COL18A1: variants seen among roughly 807,000 people sequenced by gnomAD.
The protein encoded by COL18A1 is collagen alpha-1(XVIII) chain.
Under a neutral mutation model 168.0 loss-of-function variants are expected in COL18A1, and 133 were observed. That is an observed-to-expected ratio of 0.79 (90% CI 0.69 to 0.91). The LOEUF (loss-of-function observed/expected upper bound fraction) is 0.91, where lower values mean the gene tolerates loss of function less well. Ranked by LOEUF, COL18A1 falls within the 40% of genes least tolerant of loss-of-function variation. The pLI, the probability that COL18A1 is intolerant of heterozygous loss-of-function variation, is 0.00. For missense variants in COL18A1, 2,126 were observed against 1,925.4 expected, an observed-to-expected ratio of 1.10 and a Z score of -1.95; for synonymous variants, 949 against 809.0, an observed-to-expected ratio of 1.17 and a Z score of -2.94.
chr21:45,478,117 G>T, intron 8 of COL18A1, 152 bp downstream of exon 8: 1 of 760,946 alleles, frequency 1.3e-6, no homozygotes, highest in Non-Finnish European at 2.2e-6. Flanking sequence ...CGGGGTTGGT[G>T]CTGGAAGGTG....
chr21:45,418,395 G>A (rs1298814355), intron 2 of COL18A1, among the ~76,000 whole-genome samples: 2 of 152,250 alleles, frequency 1.3e-5, no homozygotes, highest in South Asian at 2.1e-4. Context: ...TTCTTCCCAC[G>A]TCAAGGCAGC....
intron 2 of COL18A1, among the ~76,000 whole-genome samples, chr21:45,459,943 C>A (rs1568885322): frequency 6.6e-6 from 1 of 152,142 alleles, no homozygotes; most frequent in Admixed American, 6.5e-5. Flanking sequence ...CTCTCTACAC[C>A]CCTCCTGAGC....
At chr21:45,485,221 G>T (rs867921195) in intron 15 of COL18A1, among the ~76,000 whole-genome samples, 3 of 133,998 alleles carry the variant, frequency 2.2e-5, no homozygotes, top group East Asian at 2.2e-4. Context: ...GGCTGGTCTC[G>T]AACTCCTGCC....
intron 2 of COL18A1, among the ~76,000 whole-genome samples, chr21:45,459,459 G>T (rs2034967919): frequency 1.3e-5 from 2 of 152,234 alleles, no homozygotes; most frequent in Admixed American, 1.3e-4. Context: ...GAGGGGAGCT[G>T]GAGGGGTCCT....
intron 24 of COL18A1, 76 bp downstream of exon 24, chr21:45,492,789 G>A (rs1434339956): frequency 2.6e-6 from 3 of 1,150,264 alleles, no homozygotes; most frequent in Non-Finnish European, 3.9e-6. Flanking sequence ...GAGCAGCCCG[G>A]TCGAGCTGGG....
At chr21:45,492,906 C>A (rs1474639284) in intron 24 of COL18A1, among the ~76,000 whole-genome samples, 193 bp downstream of exon 24, 2 of 152,188 alleles carry the variant, frequency 1.3e-5, no homozygotes, top group Non-Finnish European at 2.9e-5. Context: ...TGGGTGGGCA[C>A]CCGTGAGGGT....
At chr21:45,485,037 C>T (rs1184269123) in intron 15 of COL18A1, among the ~76,000 whole-genome samples, 4 of 151,842 alleles carry the variant, frequency 2.6e-5, no homozygotes, top group Non-Finnish European at 5.9e-5. Context: ...AGAGTCTCCG[C>T]AGTGGTGCAG....
intron 2 of COL18A1, among the ~76,000 whole-genome samples, chr21:45,444,086 G>A (rs1219531887): frequency 6.6e-6 from 1 of 152,140 alleles, no homozygotes; most frequent in Non-Finnish European, 1.5e-5. Flanking sequence ...TCTTCTGTTC[G>A]GCCCCTTCCC....
intron 2 of COL18A1, among the ~76,000 whole-genome samples, chr21:45,416,834 C>T (rs551174956): frequency 1.3e-5 from 2 of 152,170 alleles, no homozygotes; most frequent in Non-Finnish European, 2.9e-5. Context: ...ACAACTCTTC[C>T]CTTCCCTCGT....
Position 45,503,687 on chromosome 21 carries a change from G to A in COL18A1, c.2684-324G>A, listed in dbSNP as rs574626928. 4.2e-4 allele frequency among the ~76,000 whole-genome samples: 64 copies of A among 151,318 alleles called. 1 individual carries two copies. The highest frequency in any genetic ancestry group is 8.4e-4 in the South Asian group (4 of 4,776). On this transcript the variant is annotated intron_variant, in intron 32 of 41. Transcript: ENST00000651438. Reference sequence around the variant, plus strand: ...GCATTGGGAGATATACCTAATGCTAGATGACGAGTTAGTGGGTGCAGCACA... The same window carrying A: ...GCATTGGGAGATATACCTAATGCTAAATGACGAGTTAGTGGGTGCAGCACA...
chr21:45,472,427 G>C (rs2035470789), intron 3 of COL18A1, among the ~76,000 whole-genome samples: 1 of 152,174 alleles, frequency 6.6e-6, no homozygotes, highest in Non-Finnish European at 1.5e-5. Context: ...GTTTCCCCAT[G>C]GTCTCAATCT....
At chr21:45,439,083 G>T (rs541915664) in intron 2 of COL18A1, among the ~76,000 whole-genome samples, 2 of 152,226 alleles carry the variant, frequency 1.3e-5, no homozygotes, top group African/African-American at 4.8e-5. Context: ...ACCCCACCAG[G>T]CATCCCACAA....
chr21:45,509,940 C>G, intron 39 of COL18A1, 124 bp from the exon 40 acceptor site: 1 of 1,142,028 alleles, frequency 8.8e-7, no homozygotes, highest in Non-Finnish European at 1.2e-6. Flanking sequence ...CACTTGCGCG[C>G]CTCCCGCTCA....
chr21:45,478,948 C>T (rs1172405187), intron 9 of COL18A1, among the ~76,000 whole-genome samples: 1 of 152,176 alleles, frequency 6.6e-6, no homozygotes, highest in Non-Finnish European at 1.5e-5. Flanking sequence ...TCATGGTGCC[C>T]ACCGAACGGT....
At chr21:45,452,949 T>C (rs1439689201) in intron 2 of COL18A1, among the ~76,000 whole-genome samples, 1 of 151,928 alleles carries the variant, frequency 6.6e-6, no homozygotes, top group Non-Finnish European at 1.5e-5. Context: ...TGAGCATGTA[T>C]GTACATGTGT....
At chr21:45,506,164 C>T (rs1250248546) in intron 37 of COL18A1, 198 bp downstream of exon 37, 9 of 744,914 alleles carry the variant, frequency 1.2e-5, no homozygotes, top group Non-Finnish European at 2.0e-5. Context: ...AAAGTGAGCT[C>T]AAGCTTCTGA....
At chr21:45,442,250 G>T (rs542884833) in intron 2 of COL18A1, among the ~76,000 whole-genome samples, 2 of 152,262 alleles carry the variant, frequency 1.3e-5, no homozygotes, top group Non-Finnish European at 2.9e-5. Context: ...TGCCCGTTCT[G>T]TGCCCGTGCC....
intron 2 of COL18A1, among the ~76,000 whole-genome samples, chr21:45,412,067 G>C (rs1210350975): frequency 1.3e-5 from 2 of 152,150 alleles, no homozygotes; most frequent in Non-Finnish European, 2.9e-5. Flanking sequence ...GCTTCTCTGG[G>C]AATGCCGGGT....
intron 28 of COL18A1, 32 bp from the exon 29 acceptor site, chr21:45,495,326 C>T: frequency 1.3e-6 from 2 of 1,569,782 alleles, no homozygotes; most frequent in South Asian, 1.1e-5. Flanking sequence ...CATCAGTGCC[C>T]AGCAGTCCCC....
Sources: allele counts gnomAD v4.1 joint callset (sites outside exome capture counted in the v4.1 genomes callset), GRCh38; gene constraint gnomAD v4.1.1; transcripts MANE v1.5; gene names NCBI Gene and HGNC (gene_info 2026-07-23, HGNC 2026-07-21).